NRG3: variants seen among roughly 807,000 people sequenced by gnomAD.
The protein encoded by NRG3 is neuregulin 3.
A neutral mutation model predicts 66.9 loss-of-function variants in NRG3; 31 were observed. That is an observed-to-expected ratio of 0.46 (90% CI 0.35 to 0.63). The LOEUF is 0.63. Among genes scored for constraint, NRG3 ranks in the 20% least tolerant of loss-of-function variants. The pLI is 0.00. For missense variants in NRG3, 910 were observed against 878.9 expected, an observed-to-expected ratio of 1.04 and a Z score of -0.45; for synonymous variants, 393 against 359.4, an observed-to-expected ratio of 1.09 and a Z score of -1.06.
chr10:82,532,901 G>A (rs536411889), intron 2 of NRG3, among the ~76,000 whole-genome samples: 1 of 150,396 alleles, frequency 6.6e-6, no homozygotes. Context: ...GTATGCAAGG[G>A]TTCCAATTTC....
chr10:81,938,259 G>T (rs1270339902), intron 1 of NRG3, among the ~76,000 whole-genome samples: 1 of 151,876 alleles, frequency 6.6e-6, no homozygotes, highest in Non-Finnish European at 1.5e-5. Context: ...AAAAATTTCT[G>T]CAAAATGCCA....
chr10:82,784,357 TG>T (rs1249570931), intron 3 of NRG3, among the ~76,000 whole-genome samples: 1 of 150,130 alleles, frequency 6.7e-6, no homozygotes, highest in African/African-American at 2.4e-5. Flanking sequence ...AATTGACAAA[TG>T]GGATCTAATT....
intron 3 of NRG3, among the ~76,000 whole-genome samples, chr10:82,836,737 A>AT (rs917087085): frequency 6.0e-5 from 9 of 149,520 alleles, no homozygotes; most frequent in South Asian, 2.1e-4. Flanking sequence ...ATTTTTTCTA[A>AT]TTTTTTTTAT....
chr10:82,254,459 C>T (rs1175406016), intron 1 of NRG3, among the ~76,000 whole-genome samples: 1 of 152,138 alleles, frequency 6.6e-6, no homozygotes, highest in Non-Finnish European at 1.5e-5. Flanking sequence ...AACTACAAAG[C>T]TGATGACCTC....
chr10:81,950,344 T>G (rs1254250583), intron 1 of NRG3, among the ~76,000 whole-genome samples: 6 of 152,210 alleles, frequency 3.9e-5, no homozygotes, highest in Admixed American at 2.6e-4. Flanking sequence ...ACCTGCTGTG[T>G]GCCAGAGCAT....
In NRG3 at chr10:82,255,580, CT is replaced by C. The variant is rs201030016; in HGVS notation, c.824-103149del. ...CTGTTTTCTCAATTTTTCTGTAAAT[CT>C]TTTTTTTTTAAAAAACAAAAAACAA... On this transcript the variant is annotated intron_variant, in intron 1 of 8. Coordinates refer to ENST00000372141, the MANE Select transcript of NRG3 (RefSeq NM_001010848.4). 3.3e-4 allele frequency among the ~76,000 whole-genome samples: 49 copies of C among 149,446 alleles called. 2 individuals are homozygous for C. The highest frequency in any genetic ancestry group is 3.5e-3 in the Middle Eastern group (1 of 288).
At chr10:82,753,945 C>CAAAAAAAAA (rs57793727) in intron 3 of NRG3, among the ~76,000 whole-genome samples, 1 of 108,002 alleles carries the variant, frequency 9.3e-6, no homozygotes. Context: ...GACTCCATCT[C>CAAAAAAAAA]AAAAAAAAAA....
chr10:82,005,952 T>C (rs1425483202), intron 1 of NRG3, among the ~76,000 whole-genome samples: 7 of 151,278 alleles, frequency 4.6e-5, no homozygotes, highest in Non-Finnish European at 1.0e-4. Flanking sequence ...TGAGAAATTT[T>C]ATTTCACCTT....
At position 82,076,080 on chromosome 10, in the gene NRG3, G is replaced by C. The variant is rs148412818; in HGVS notation, c.823+199917G>C. 1.3e-3 allele frequency among the ~76,000 whole-genome samples: 198 copies of C among 152,268 alleles called. 3 individuals carry two copies. Among genetic ancestry groups the C allele is most frequent in the South Asian group, 0.01 (50 of 4,826 alleles). ...GCATCCTGTTAAAGCTGTGTCAAAA[G>C]TGTATGTTTCTTGGCCAATGGAGTA... is the stretch of plus-strand genomic sequence containing the variant. On this transcript the variant is annotated intron_variant, in intron 1 of 8. Coordinates refer to ENST00000372141, the MANE Select transcript of NRG3 (RefSeq NM_001010848.4).
rs1177987869 is a variant in NRG3, at chr10:81,875,973, G to C, written c.633G>C (p.Pro211=). The change falls in exon 1 of 9, where the codon CCG becomes CCC. Residue 211 remains proline, a synonymous_variant. Transcript: ENST00000372141. This position sits in a 1 kb window ranked among gnomAD's most constrained non-coding sequence, Gnocchi z 5.3. The part of the protein sequence containing the change: ...FSSSTLGSRP[P]VPGTPSTQAM... ...GCAGCACGCTGGGCTCCCGACCCCC[G>C]GTGCCAGGAACTCCAAGTACCCAGG... 1.2e-6 allele frequency: 2 copies of C among 1,613,812 alleles called. No individual in the cohort carries two copies. The highest frequency in any genetic ancestry group is 1.7e-6 in the Non-Finnish European group (2 of 1,180,038).
At chr10:82,890,878 T>G (rs1843092096) in intron 4 of NRG3, among the ~76,000 whole-genome samples, 1 of 152,208 alleles carries the variant, frequency 6.6e-6, no homozygotes, top group African/African-American at 2.4e-5. Context: ...TTGTCTCCCC[T>G]AAATGAGAAT....
At chr10:82,594,880 C>G (rs144408955) in intron 2 of NRG3, among the ~76,000 whole-genome samples, 132 of 151,274 alleles carry the variant, frequency 8.7e-4, no homozygotes, top group African/African-American at 3.0e-3. Flanking sequence ...TCATGGTCAT[C>G]GCCTCTCAAA....
At chr10:82,478,818 C>G (rs570049638) in intron 2 of NRG3, among the ~76,000 whole-genome samples, 3 of 152,198 alleles carry the variant, frequency 2.0e-5, no homozygotes, top group African/African-American at 7.2e-5. Context: ...AAACAATAGA[C>G]AAGAACCTGC....
intron 1 of NRG3, among the ~76,000 whole-genome samples, chr10:81,985,349 G>C (rs927761393): frequency 1.3e-5 from 2 of 152,176 alleles, no homozygotes; most frequent in Non-Finnish European, 2.9e-5. Context: ...AGTGACCTAG[G>C]CCAAGCCATG....
chr10:82,801,630 C>G lies in NRG3; in HGVS notation c.1027+62980C>G, dbSNP rs74144346. The stretch of plus-strand genomic sequence containing the variant: ...TCTTCAGCTGCCTTTTGCCAGGCTA[C>G]AGAATGGCAGCAGAGTCCAATGTGA... On this transcript the variant is annotated intron_variant, in intron 3 of 8. Transcript: ENST00000372141. 5.7e-4 allele frequency among the ~76,000 whole-genome samples: 87 copies of G among 152,244 alleles called. 1 individual carries two copies. The highest frequency in any genetic ancestry group is 2.1e-3 in the African/African-American group (86 of 41,550).
chr10:82,109,534 ATTGT>A (rs1426829403), intron 1 of NRG3, among the ~76,000 whole-genome samples: 1 of 118,884 alleles, frequency 8.4e-6, no homozygotes, highest in Non-Finnish European at 1.7e-5. Context: ...AAAGAATAAG[ATTGT>A]GTGTGTGTGT....
At chr10:82,266,225 A>T (rs1321051416) in intron 1 of NRG3, among the ~76,000 whole-genome samples, 1 of 152,112 alleles carries the variant, frequency 6.6e-6, no homozygotes, top group Non-Finnish European at 1.5e-5. Flanking sequence ...GATTGAGCCT[A>T]TTGGTCTCAG....
chr10:82,104,128 C>T (rs1310988253), intron 1 of NRG3, among the ~76,000 whole-genome samples: 1 of 151,992 alleles, frequency 6.6e-6, no homozygotes, highest in Non-Finnish European at 1.5e-5. Context: ...ATTTGCCTGC[C>T]AATATTTACT....
intron 1 of NRG3, among the ~76,000 whole-genome samples, chr10:81,880,664 A>G (rs570753351): frequency 2.0e-5 from 3 of 152,326 alleles, no homozygotes; most frequent in East Asian, 3.9e-4. Flanking sequence ...CTCATCTCCA[A>G]TGCCAAACAT....
Sources: allele counts gnomAD v4.1 joint callset (sites outside exome capture counted in the v4.1 genomes callset), GRCh38; gene constraint gnomAD v4.1.1; non-coding constraint Gnocchi (gnomAD v3.1); transcripts MANE v1.5; gene names NCBI Gene and HGNC (gene_info 2026-07-23, HGNC 2026-07-21).